Variants in ADAMTS17 observed in about 807,000 individuals in gnomAD.
ADAMTS17 encodes A disintegrin and metalloproteinase with thrombospondin motifs 17.
In ADAMTS17, 113 loss-of-function variants were observed where a neutral mutation model predicts 141.5. The observed-to-expected ratio is 0.80, with a 90% CI of 0.69 to 0.93. ADAMTS17 has a LOEUF of 0.93. Among genes scored for constraint, ADAMTS17 ranks in the 40% least tolerant of loss-of-function variants. ADAMTS17 has a pLI of 0.00. For synonymous variants in ADAMTS17, 768 were observed against 630.6 expected (o/e 1.22, Z -3.27); for missense variants, 1,659 against 1,517.9 (o/e 1.09, Z -1.54).
chr15:100,079,997 A>C (rs1439001348), intron 15 of ADAMTS17, among the ~76,000 whole-genome samples: 1 of 152,212 alleles, frequency 6.6e-6, no homozygotes, highest in Non-Finnish European at 1.5e-5. Context: ...TGCAGGGCTG[A>C]GGCAAAGTTC....
At chr15:100,063,756 T>C in intron 15 of ADAMTS17, 1 of 1,290,066 alleles carries the variant, frequency 7.8e-7, no homozygotes, top group Non-Finnish European at 1.0e-6. Flanking sequence ...AGCTTCGATA[T>C]AACCTGTAGC....
chr15:100,332,988 A>ATG (rs1207319820), intron 2 of ADAMTS17, among the ~76,000 whole-genome samples: 1 of 152,132 alleles, frequency 6.6e-6, no homozygotes, highest in Non-Finnish European at 1.5e-5. Flanking sequence ...CACTGTCCCC[A>ATG]GGTTCCTTCA....
intron 3 of ADAMTS17, among the ~76,000 whole-genome samples, chr15:100,299,990 A>G (rs947802391): frequency 6.6e-6 from 1 of 152,252 alleles, no homozygotes; most frequent in Non-Finnish European, 1.5e-5. Flanking sequence ...TTCTGAATGA[A>G]TAAGTTAATG....
At chr15:100,132,709 C>G (rs1388581506) in intron 11 of ADAMTS17, among the ~76,000 whole-genome samples, 6 of 152,218 alleles carry the variant, frequency 3.9e-5, no homozygotes, top group African/African-American at 1.4e-4. Context: ...AACCTTTACT[C>G]CTTTTTCAAC....
At chr15:100,230,349 T>C (rs118086007) in intron 7 of ADAMTS17, among the ~76,000 whole-genome samples, 3,153 of 152,304 alleles carry the variant, frequency 0.021, 36 homozygotes, top group Middle Eastern at 0.041. Context: ...GCAGGCTAGA[T>C]AGTAACAGAT....
chr15:100,138,563 T>C (rs2038455752), intron 10 of ADAMTS17, among the ~76,000 whole-genome samples: 1 of 152,090 alleles, frequency 6.6e-6, no homozygotes, highest in Non-Finnish European at 1.5e-5. Context: ...AAAACAGACC[T>C]GAAGAAATTA....
At chr15:99,975,290 A>G (rs1313207975) in intron 21 of ADAMTS17, among the ~76,000 whole-genome samples, 2 of 152,026 alleles carry the variant, frequency 1.3e-5, no homozygotes, top group Non-Finnish European at 1.5e-5. Context: ...GCTCACTACA[A>G]CCTCTGCCTC....
intron 16 of ADAMTS17, 26 bp downstream of exon 16, chr15:100,053,871 A>C (rs367803148): frequency 3.4e-4 from 547 of 1,613,998 alleles, no homozygotes; most frequent in Non-Finnish European, 4.6e-4. Flanking sequence ...ACCCCCTAAG[A>C]CAAGTGTGGA....
At chr15:100,301,339 A>ATTTT (rs57671360) in intron 3 of ADAMTS17, among the ~76,000 whole-genome samples, 70 of 150,864 alleles carry the variant, frequency 4.6e-4, no homozygotes, top group African/African-American at 1.5e-3. Context: ...ATATATATAT[A>ATTTT]TTTTTCTGAG....
At chr15:100,281,518 A>G in intron 3 of ADAMTS17, 117 bp from the exon 4 acceptor site, 13 of 1,340,810 alleles carry the variant, frequency 9.7e-6, no homozygotes, top group Non-Finnish European at 1.3e-5. Flanking sequence ...ACAGGCCTAG[A>G]GGGGCCCAGC....
chr15:100,255,998 C>T (rs1470778897), intron 6 of ADAMTS17, among the ~76,000 whole-genome samples: 1 of 152,188 alleles, frequency 6.6e-6, no homozygotes, highest in Non-Finnish European at 1.5e-5. Context: ...AAAGGTCAGC[C>T]GAATCTGAAT....
intron 7 of ADAMTS17, among the ~76,000 whole-genome samples, chr15:100,199,757 G>A (rs2141637887): frequency 6.6e-6 from 1 of 152,314 alleles, no homozygotes; most frequent in East Asian, 1.9e-4. Flanking sequence ...TCACCTGGAT[G>A]GGCACTCCAT....
chr15:100,089,653 T>C (rs2035327381), intron 15 of ADAMTS17, among the ~76,000 whole-genome samples: 1 of 151,802 alleles, frequency 6.6e-6, no homozygotes. Context: ...TATGCAGCCA[T>C]AAAAAATGAT....
At chr15:100,260,435 G>T (rs1019730865) in intron 6 of ADAMTS17, among the ~76,000 whole-genome samples, 13 of 151,994 alleles carry the variant, frequency 8.6e-5, no homozygotes, top group Non-Finnish European at 1.5e-4. Context: ...CCAATGTGGT[G>T]AAACCCCATC....
At chr15:100,142,125 G>A (rs1004141163) in intron 10 of ADAMTS17, among the ~76,000 whole-genome samples, 1 of 152,222 alleles carries the variant, frequency 6.6e-6, no homozygotes, top group African/African-American at 2.4e-5. Context: ...AAAATCTGGA[G>A]TAAGACACAG....
At chr15:100,108,860 C>T in intron 14 of ADAMTS17, 129 bp downstream of exon 14, 1 of 1,523,988 alleles carries the variant, frequency 6.6e-7, no homozygotes, top group Non-Finnish European at 9.0e-7. Context: ...GGCGGCATCA[C>T]TGGGTGCCTT....
intron 20 of ADAMTS17, among the ~76,000 whole-genome samples, chr15:99,981,141 A>C (rs1165006690): frequency 6.6e-6 from 1 of 152,222 alleles, no homozygotes; most frequent in Non-Finnish European, 1.5e-5. Flanking sequence ...AAGAGGTTGT[A>C]CTGAATGGAG....
intron 7 of ADAMTS17, among the ~76,000 whole-genome samples, chr15:100,240,338 G>A (rs552712683): frequency 3.9e-5 from 6 of 152,312 alleles, no homozygotes; most frequent in Admixed American, 1.3e-4. Flanking sequence ...CTTCAGCAAC[G>A]TCAGGAATGT....
intron 7 of ADAMTS17, among the ~76,000 whole-genome samples, chr15:100,244,700 C>G (rs1310249842): frequency 3.3e-5 from 5 of 152,048 alleles, no homozygotes; most frequent in Admixed American, 2.6e-4. Context: ...GGGAGCCCTT[C>G]CCTGGCTCTC....
Sources: gnomAD v4.1 joint callset for allele counts (sites outside exome capture counted in the v4.1 genomes callset) on GRCh38, gnomAD v4.1.1 for gene constraint, MANE v1.5 for transcripts, NCBI Gene and HGNC (gene_info 2026-07-23, HGNC 2026-07-21) for gene names.